The following PHF21A variants were observed in gnomAD, a reference collection of about 807,000 sequenced individuals.
PHF21A encodes PHD finger protein 21A.
In PHF21A, 11 loss-of-function variants were observed where a neutral mutation model predicts 82.5. That is an observed-to-expected ratio of 0.13 (90% CI 0.08 to 0.22). PHF21A has a LOEUF of 0.22. PHF21A is among the 10% of genes least tolerant of loss of function. PHF21A has a pLI of 1.00. For synonymous variants in PHF21A, 297 were observed against 302.8 expected, an observed-to-expected ratio of 0.98 and a Z score of 0.20; for missense variants, 579 against 837.8, an observed-to-expected ratio of 0.69 and a Z score of 3.81.
chr11:45,957,547 G>T (rs2092729824), intron 10 of PHF21A, among the ~76,000 whole-genome samples: 1 of 151,954 alleles, frequency 6.6e-6, no homozygotes, highest in Admixed American at 6.5e-5. Context: ...ATGGGTAAAA[G>T]AAGAAATCAC....
intron 1 of PHF21A, among the ~76,000 whole-genome samples, chr11:46,092,759 C>CTTT (rs10681499): frequency 0.011 from 1,534 of 135,552 alleles, 33 homozygotes; most frequent in African/African-American, 0.017. Context: ...TGTGTCTCAC[C>CTTT]TTTTTTTTTT....
intron 6 of PHF21A, among the ~76,000 whole-genome samples, chr11:46,016,946 T>C (rs1417913401): frequency 6.7e-6 from 1 of 149,686 alleles, no homozygotes; most frequent in Non-Finnish European, 1.5e-5. Context: ...CAAGGTAGTG[T>C]TCTTACTAAA....
At chr11:45,951,724 C>G (rs1054158847) in intron 11 of PHF21A, among the ~76,000 whole-genome samples, 1 of 152,012 alleles carries the variant, frequency 6.6e-6, no homozygotes, top group Admixed American at 6.6e-5. Flanking sequence ...TTATTGGCCA[C>G]TCACACCCAA....
At chr11:46,087,313 GT>G (rs1304262012) in intron 3 of PHF21A, among the ~76,000 whole-genome samples, 2 of 152,184 alleles carry the variant, frequency 1.3e-5, no homozygotes, top group African/African-American at 4.8e-5. Flanking sequence ...ATGTCAAAGA[GT>G]GCCTCGCACA....
chr11:45,963,660 T>C (rs1009581856), intron 10 of PHF21A, among the ~76,000 whole-genome samples: 34 of 152,066 alleles, frequency 2.2e-4, no homozygotes, highest in African/African-American at 8.0e-4. Flanking sequence ...CAAAACAATT[T>C]GTCTCCTAAA....
chr11:45,948,591 T>A (rs1192341559), intron 14 of PHF21A, among the ~76,000 whole-genome samples: 1 of 152,250 alleles, frequency 6.6e-6, no homozygotes, highest in Non-Finnish European at 1.5e-5. Context: ...TGGGGTTCTG[T>A]TCACTGTGCT....
At chr11:46,092,484 T>C (rs1486276868) in intron 1 of PHF21A, among the ~76,000 whole-genome samples, 13 of 152,134 alleles carry the variant, frequency 8.5e-5, no homozygotes, top group Non-Finnish European at 7.3e-5. Context: ...TAATTTTCCT[T>C]TCCTAAGAGA....
In PHF21A at chr11:45,938,234, A is replaced by G; in HGVS notation, c.1531T>C (p.Tyr511His). The change falls in exon 16 of 19, where the codon TAT becomes CAT. Residue 511 changes from tyrosine to histidine, a missense_variant. Coordinates refer to ENST00000676320, the MANE Select transcript of PHF21A (RefSeq NM_001352027.3). ...GGGGGGTCTAAGCAGTCCAAATGAT[A>G]TACACGGGAACATGTGTCGCACATC... ...LLMCDTCSRV[Y>H]HLDCLDPPLK... 6.2e-7 allele frequency: 1 copy of G among 1,611,362 alleles called. No individual in the cohort carries two copies. Among genetic ancestry groups the G allele is most frequent in the Non-Finnish European group, 8.5e-7 (1 of 1,178,888 alleles).
At chr11:46,061,925 C>T (rs750283703) in intron 6 of PHF21A, among the ~76,000 whole-genome samples, 1 of 152,080 alleles carries the variant, frequency 6.6e-6, no homozygotes, top group Non-Finnish European at 1.5e-5. Context: ...CTATTCTATC[C>T]CCGGACTTGA....
intron 1 of PHF21A, among the ~76,000 whole-genome samples, chr11:46,106,494 G>A (rs977652657): frequency 6.6e-6 from 1 of 152,110 alleles, no homozygotes; most frequent in Non-Finnish European, 1.5e-5. Context: ...GAGGTGTTGG[G>A]GGTTGGGGGA....
intron 6 of PHF21A, among the ~76,000 whole-genome samples, chr11:46,044,024 A>C (rs980664522): frequency 1.3e-5 from 2 of 152,206 alleles, no homozygotes; most frequent in African/African-American, 4.8e-5. Context: ...AACAGCTGTA[A>C]ATTTGTTTTT....
rs549078716 is a variant in PHF21A, at chr11:46,044,560, C to T, written c.153+32194G>A. On this transcript the variant is annotated intron_variant, in intron 6 of 18. Transcript: ENST00000676320. ...ATATGCAGGACTTCTCTTACTCTTTCGGGCAACCCAGATTAGGAAGCAATG... is the reference window on the plus strand; with the variant it reads ...ATATGCAGGACTTCTCTTACTCTTTTGGGCAACCCAGATTAGGAAGCAATG... Among the ~76,000 whole-genome samples the T allele has an allele frequency of 1.3e-4, 20 of 152,220 alleles. No homozygotes were observed. In the East Asian group the frequency reaches 2.7e-3, roughly 21 times the overall value.
At chr11:46,046,856 C>G (rs1189323389) in intron 6 of PHF21A, among the ~76,000 whole-genome samples, 2 of 152,176 alleles carry the variant, frequency 1.3e-5, no homozygotes, top group Admixed American at 1.3e-4. Context: ...CTCCCATCCA[C>G]ACAGTAAGAC....
intron 1 of PHF21A, among the ~76,000 whole-genome samples, chr11:46,111,296 C>T (rs2097211563): frequency 6.6e-6 from 1 of 151,390 alleles, no homozygotes; most frequent in African/African-American, 2.4e-5. Context: ...ATGGTGAAAC[C>T]CCATCTCTAC....
At chr11:46,020,322 T>G (rs1392908917) in intron 6 of PHF21A, among the ~76,000 whole-genome samples, 1 of 152,238 alleles carries the variant, frequency 6.6e-6, no homozygotes, top group East Asian at 1.9e-4. Context: ...TTCCCTGAAG[T>G]GGCTGCTAGT....
Position 45,933,786 on chromosome 11 carries a change from G to A in PHF21A, c.*182C>T, listed in dbSNP as rs1019466158. On this transcript the variant is annotated 3_prime_UTR_variant, in exon 19 of 19. Coordinates refer to ENST00000676320, the MANE Select transcript of PHF21A (RefSeq NM_001352027.3). ...GGTCCAATCTTTGCATGTACACACA[G>A]AATAAGAAGGATCAATTGGCAAACT... The A allele has an allele frequency of 1.1e-5, 6 of 551,962 alleles. No individual in the cohort carries two copies. The highest frequency in any genetic ancestry group is 1.9e-5 in the Non-Finnish European group (6 of 320,076). The allele number at this position is 551,962 out of a possible 1,614,324, so 34.2% of individuals were successfully genotyped here. A position where few individuals can be genotyped will look rare whatever the true frequency, so the allele number is the denominator to read the frequency against.
intron 6 of PHF21A, among the ~76,000 whole-genome samples, chr11:45,988,457 A>C (rs941874682): frequency 6.6e-6 from 1 of 152,262 alleles, no homozygotes; most frequent in Non-Finnish European, 1.5e-5. Flanking sequence ...ACACTTGTAT[A>C]TAACTAAACA....
intron 11 of PHF21A, among the ~76,000 whole-genome samples, chr11:45,951,931 C>T (rs1018346642): frequency 2.4e-4 from 37 of 151,988 alleles, no homozygotes; most frequent in East Asian, 1.9e-4. Context: ...CTCAGCCTCC[C>T]GAGTACCTGG....
At chr11:46,072,350 C>G (rs2096665504) in intron 6 of PHF21A, among the ~76,000 whole-genome samples, 2 of 152,170 alleles carry the variant, frequency 1.3e-5, no homozygotes, top group African/African-American at 4.8e-5. Flanking sequence ...TAGTAAACAT[C>G]CTTAAAAAAT....
Sources: allele counts gnomAD v4.1 joint callset (sites outside exome capture counted in the v4.1 genomes callset), GRCh38; gene constraint gnomAD v4.1.1; transcripts MANE v1.5; gene names NCBI Gene and HGNC (gene_info 2026-07-23, HGNC 2026-07-21).